CDC73: variants seen among roughly 807,000 people sequenced by gnomAD.
The protein encoded by CDC73 is parafibromin.
Under a neutral mutation model 83.7 loss-of-function variants are expected in CDC73, and 21 were observed. The observed-to-expected ratio is 0.25, with a 90% CI of 0.18 to 0.36. The LOEUF (loss-of-function observed/expected upper bound fraction) is 0.36. Among genes scored for constraint, CDC73 ranks in the 10% least tolerant of loss-of-function variants. CDC73 has a pLI of 1.00. For missense variants in CDC73, 342 were observed against 653.3 expected, an observed-to-expected ratio of 0.52 and a Z score of 5.19; for synonymous variants, 224 against 212.9, an observed-to-expected ratio of 1.05 and a Z score of -0.45.
intron 10 of CDC73, chr1:193,181,430 G>A (rs1401061471): frequency 6.2e-7 from 1 of 1,613,920 alleles, no homozygotes; most frequent in Non-Finnish European, 8.5e-7. Flanking sequence ...CAGTCATGAT[G>A]ATTGAAAAAC....
chr1:193,169,406 G>T (rs536843377), intron 10 of CDC73, among the ~76,000 whole-genome samples: 1 of 152,122 alleles, frequency 6.6e-6, no homozygotes, highest in Non-Finnish European at 1.5e-5. Flanking sequence ...TTAGCTGGGC[G>T]TGGTGGCACA....
At chr1:193,155,466 G>T (rs1676191983) in intron 10 of CDC73, among the ~76,000 whole-genome samples, 2 of 152,076 alleles carry the variant, frequency 1.3e-5, no homozygotes, top group African/African-American at 4.8e-5. Context: ...TGTTGCTTGG[G>T]TTCTATAATG....
intron 7 of CDC73, among the ~76,000 whole-genome samples, chr1:193,142,724 G>C (rs1455998161): frequency 6.6e-6 from 1 of 150,422 alleles, no homozygotes; most frequent in African/African-American, 2.5e-5. Context: ...AAACATTGTT[G>C]TACACGTACC....
chr1:193,226,663 T>C (rs1176441628), intron 13 of CDC73, among the ~76,000 whole-genome samples: 1 of 152,256 alleles, frequency 6.6e-6, no homozygotes, highest in East Asian at 1.9e-4. Context: ...ATCCTTGGTA[T>C]GAAACCCATT....
At chr1:193,232,540 A>G (rs535219312) in intron 13 of CDC73, among the ~76,000 whole-genome samples, 1 of 152,316 alleles carries the variant, frequency 6.6e-6, no homozygotes, top group Non-Finnish European at 1.5e-5. Context: ...TATACACTCC[A>G]TGATCTGTAC....
intron 10 of CDC73, among the ~76,000 whole-genome samples, chr1:193,200,939 G>T (rs898763936): frequency 3.3e-5 from 5 of 152,102 alleles, no homozygotes; most frequent in African/African-American, 1.2e-4. Flanking sequence ...CCTCTTGGGT[G>T]GTGTTGGCTG....
At chr1:193,158,921 C>T (rs1212098782) in intron 10 of CDC73, among the ~76,000 whole-genome samples, 3 of 149,434 alleles carry the variant, frequency 2.0e-5, no homozygotes, top group African/African-American at 7.4e-5. Flanking sequence ...TGTTACGGAA[C>T]ATATATCCGT....
chr1:193,234,171 T>TCA (rs1677709636), intron 14 of CDC73, among the ~76,000 whole-genome samples: 1 of 75,670 alleles, frequency 1.3e-5, no homozygotes, highest in East Asian at 2.8e-4. Flanking sequence ...TCTCTCTCTC[T>TCA]CTCTCACACA....
intron 1 of CDC73, among the ~76,000 whole-genome samples, chr1:193,124,869 A>G (rs1389919999): frequency 6.6e-6 from 1 of 152,176 alleles, no homozygotes; most frequent in Non-Finnish European, 1.5e-5. Flanking sequence ...CTAATTCTAA[A>G]AAGTTTGTAG....
intron 10 of CDC73, chr1:193,181,634 T>C: frequency 3.0e-6 from 4 of 1,324,918 alleles, no homozygotes; most frequent in Non-Finnish European, 4.1e-6. Context: ...AATACTATTC[T>C]TTGGCAATCA....
chr1:193,237,412 G>A (rs1055447003), intron 15 of CDC73, among the ~76,000 whole-genome samples: 3 of 152,148 alleles, frequency 2.0e-5, no homozygotes, highest in African/African-American at 4.8e-5. Context: ...AACCTTCTTG[G>A]AAGGCTGGGA....
intron 10 of CDC73, among the ~76,000 whole-genome samples, chr1:193,158,563 T>C (rs1488035248): frequency 6.6e-6 from 1 of 152,130 alleles, no homozygotes; most frequent in Admixed American, 6.5e-5. Flanking sequence ...GATTTTAATA[T>C]GTAGTTACAT....
At chr1:193,149,238 T>G (rs1676062964) in intron 8 of CDC73, among the ~76,000 whole-genome samples, 1 of 152,128 alleles carries the variant, frequency 6.6e-6, no homozygotes, top group Admixed American at 6.5e-5. Flanking sequence ...AGGGACCAGT[T>G]TCGTAGAAGA....
At chr1:193,162,875 A>G (rs1455058398) in intron 10 of CDC73, among the ~76,000 whole-genome samples, 1 of 152,166 alleles carries the variant, frequency 6.6e-6, no homozygotes, top group African/African-American at 2.4e-5. Flanking sequence ...AATTCCTAAT[A>G]TATTTCATTA....
At chr1:193,167,720 G>T (rs1431631187) in intron 10 of CDC73, among the ~76,000 whole-genome samples, 2 of 152,050 alleles carry the variant, frequency 1.3e-5, no homozygotes, top group African/African-American at 2.4e-5. Context: ...TCTGAGTTGG[G>T]AATGTTGCAA....
At chr1:193,208,275 C>G (rs935130632) in intron 11 of CDC73, among the ~76,000 whole-genome samples, 2 of 152,200 alleles carry the variant, frequency 1.3e-5, no homozygotes, top group African/African-American at 4.8e-5. Context: ...ATCATCATCT[C>G]TCTAGACCAG....
intron 3 of CDC73, among the ~76,000 whole-genome samples, chr1:193,132,108 T>C (rs1198715758): frequency 1.3e-5 from 2 of 152,226 alleles, no homozygotes; most frequent in South Asian, 2.1e-4. Flanking sequence ...TACATTGATA[T>C]AATACAACTA....
intron 10 of CDC73, among the ~76,000 whole-genome samples, chr1:193,164,373 G>A (rs1435512670): frequency 2.0e-5 from 3 of 152,268 alleles, no homozygotes; most frequent in African/African-American, 7.2e-5. Context: ...CCCAGAGAAA[G>A]GCTGAGAAAC....
At chr1:193,186,490 C>T (rs934600464) in intron 10 of CDC73, 1 of 152,588 alleles carries the variant, frequency 6.6e-6, no homozygotes, top group African/African-American at 2.4e-5. Flanking sequence ...GGATTTACCT[C>T]TCTTCTTTCG....
Sources: gnomAD v4.1 joint callset for allele counts (sites outside exome capture counted in the v4.1 genomes callset) on GRCh38, gnomAD v4.1.1 for gene constraint, MANE v1.5 for transcripts, NCBI Gene and HGNC (gene_info 2026-07-23, HGNC 2026-07-21) for gene names.